UBR2: variants seen among roughly 807,000 people sequenced by gnomAD.
UBR2 encodes E3 ubiquitin-protein ligase UBR2.
In UBR2, 92 loss-of-function variants were observed where a neutral mutation model predicts 247.9. The observed-to-expected ratio is 0.37, with a 90% CI of 0.31 to 0.44. The LOEUF (loss-of-function observed/expected upper bound fraction) is 0.44, where lower values mean the gene tolerates loss of function less well. Ranked by LOEUF, UBR2 falls within the 20% of genes least tolerant of loss-of-function variation. The pLI is 1.00. For missense variants in UBR2, 1,613 were observed against 2,112.6 expected, an observed-to-expected ratio of 0.76 and a Z score of 4.64; for synonymous variants, 672 against 693.5, an observed-to-expected ratio of 0.97 and a Z score of 0.49.
Position 42,641,541 on chromosome 6 carries a change from GT to G in UBR2, c.1921-33del, listed in dbSNP as rs548669639. ...TTTTTAGAACTGATTTTATGTGTGTGTTTTTTTTGTTTTCTGTTTTTTTATT... is the reference window on the plus strand; with the variant it reads ...TTTTTAGAACTGATTTTATGTGTGTGTTTTTTTGTTTTCTGTTTTTTTATT... On this transcript the variant is annotated intron_variant, in intron 16 of 46. Coordinates refer to ENST00000372901, the MANE Select transcript of UBR2 (RefSeq NM_001363705.2). 89 of 1,482,592 alleles carry G rather than the reference GT, an allele frequency of 6.0e-5. 1 individual carries two copies. The highest frequency in any genetic ancestry group is 4.5e-4 in the South Asian group (36 of 80,206). The allele number at this position is 1,482,592 out of a possible 1,614,324, so 91.8% of individuals were successfully genotyped here.
At chr6:42,651,171 A>T (rs1797087178) in intron 23 of UBR2, among the ~76,000 whole-genome samples, 1 of 151,842 alleles carries the variant, frequency 6.6e-6, no homozygotes, top group Admixed American at 6.6e-5. Context: ...GCAGTGAGCT[A>T]TGATTGCACC....
rs1238674658 is a variant in UBR2, at chr6:42,641,598, C to T, written c.1937C>T (p.Pro646Leu). ...TATATATAGAGTGAACTTAGCCCAC[C>T]CATGTTGATAGAACACCCTCTTAGA... ...ELLPLSELSPPMLIEHPLRCL... is the reference protein window; with the variant it reads ...ELLPLSELSPLMLIEHPLRCL... The change falls in exon 17 of 47, where the codon CCC becomes CTC. Residue 646 changes from proline to leucine, a missense_variant. By Grantham distance (98) the Pro-to-Leu change is moderately conservative (BLOSUM62 -3). Transcript: ENST00000372901. 6.3e-7 allele frequency: 1 copy of T among 1,590,924 alleles called. No individual in the cohort carries two copies. The highest frequency in any genetic ancestry group is 8.5e-7 in the Non-Finnish European group (1 of 1,172,806).
chr6:42,629,581 C>T (rs932577080), intron 11 of UBR2, among the ~76,000 whole-genome samples: 4 of 152,094 alleles, frequency 2.6e-5, no homozygotes, highest in Non-Finnish European at 5.9e-5. Flanking sequence ...TACTTGAACC[C>T]TGGAGGAGGA....
chr6:42,691,581 T>G lies in UBR2; in HGVS notation c.*408T>G, dbSNP rs1298887905. 2 of 256,676 alleles carry G rather than the reference T, an allele frequency of 7.8e-6. No individual in the cohort carries two copies. Among genetic ancestry groups the G allele is most frequent in the Non-Finnish European group, 1.5e-5 (2 of 132,478 alleles). The allele number at this position is 256,676 out of a possible 1,614,324, so 15.9% of individuals were successfully genotyped here. ...GTTGGGTCATACTTCCTGGTTCCAC[T>G]GAGTGGCCCAACACTGGGACTGGGT... On this transcript the variant is annotated 3_prime_UTR_variant, in exon 47 of 47. Coordinates refer to ENST00000372901, the MANE Select transcript of UBR2 (RefSeq NM_001363705.2).
intron 3 of UBR2, 35 bp downstream of exon 3, chr6:42,592,264 T>G: frequency 7.2e-7 from 1 of 1,379,634 alleles, no homozygotes; most frequent in East Asian, 2.6e-5. Flanking sequence ...ATGCGCAGTA[T>G]TGCATTTTAT....
intron 11 of UBR2, among the ~76,000 whole-genome samples, chr6:42,624,766 CAA>C (rs1299915242): frequency 6.6e-6 from 1 of 152,080 alleles, no homozygotes; most frequent in African/African-American, 2.4e-5. Flanking sequence ...ACAAGTAATG[CAA>C]AGTCTGAAAA....
chr6:42,648,012 G>A (rs187176165), intron 21 of UBR2, 106 bp from the exon 22 acceptor site: 7 of 752,738 alleles, frequency 9.3e-6, no homozygotes, highest in Middle Eastern at 2.4e-4. Context: ...TGGAGATAAG[G>A]TGTATCTACC....
At chr6:42,621,031 C>G (rs1794966279) in intron 11 of UBR2, among the ~76,000 whole-genome samples, 1 of 152,162 alleles carries the variant, frequency 6.6e-6, no homozygotes, top group Admixed American at 6.6e-5. Flanking sequence ...CTATGTTGGA[C>G]AGACTGGTCT....
intron 11 of UBR2, among the ~76,000 whole-genome samples, chr6:42,620,950 G>A (rs1582561003): frequency 6.6e-6 from 1 of 151,978 alleles, no homozygotes. Context: ...GGCTACAGGC[G>A]TGTGTGACCA....
At position 42,693,188 on chromosome 6, in the gene UBR2, A is replaced by T. The variant is rs998430979; in HGVS notation, c.*2015A>T. On this transcript the variant is annotated 3_prime_UTR_variant, in exon 47 of 47. Transcript: ENST00000372901. The stretch of plus-strand genomic sequence containing the variant: ...TTAGCAAAGGTTGTCTCTGGATTTC[A>T]TTCTCTGAGAATATCACAGAGCCTG... 1 of 152,208 alleles carries T rather than the reference A, an allele frequency of 6.6e-6. No individual in the cohort carries two copies. Among genetic ancestry groups the T allele is most frequent in the African/African-American group, 2.4e-5 (1 of 41,462 alleles). 9.4% of individuals were successfully genotyped at this position (152,208 alleles called of 1,614,324 possible). A position where few individuals can be genotyped will look rare whatever the true frequency, so the allele number is the denominator to read the frequency against.
chr6:42,594,295 G>A lies in UBR2; in HGVS notation c.522G>A (p.Glu174=). The stretch of plus-strand genomic sequence containing the variant: ...ATGAACTTAACACCTCTGAAATTGA[G>A]GAAGAAGAGGTAAAAACATTTTCAC... The part of the protein sequence containing the change: ...QKHELNTSEI[E]EEEDPLVHLS... Residue 174 remains glutamate, a synonymous_variant, in exon 4 of 47, where the codon GAG becomes GAA. Transcript: ENST00000372901. 1.2e-6 allele frequency: 2 copies of A among 1,603,712 alleles called. No individual in the cohort carries two copies. Among genetic ancestry groups the A allele is most frequent in the South Asian group, 1.1e-5 (1 of 89,376 alleles).
chr6:42,672,195 G>A (rs1400424035), intron 36 of UBR2, among the ~76,000 whole-genome samples: 1 of 152,106 alleles, frequency 6.6e-6, no homozygotes. Context: ...ACCGTGCCCA[G>A]CTAATTTTTG....
intron 8 of UBR2, among the ~76,000 whole-genome samples, chr6:42,613,861 A>AC (rs1794244995): frequency 1.3e-5 from 2 of 151,626 alleles, no homozygotes; most frequent in Non-Finnish European, 2.9e-5. Context: ...CTTGAAAAAG[A>AC]TGAAAACAGT....
chr6:42,688,627 C>G (rs1452277588), intron 45 of UBR2, among the ~76,000 whole-genome samples: 1 of 152,224 alleles, frequency 6.6e-6, no homozygotes, highest in African/African-American at 2.4e-5. Context: ...CAGTTCTGTT[C>G]TACTTTCTCC....
At chr6:42,612,069 T>C (rs1794126926) in intron 7 of UBR2, 102 bp from the exon 8 acceptor site, 27 of 1,105,796 alleles carry the variant, frequency 2.4e-5, no homozygotes, top group Non-Finnish European at 3.2e-5. Flanking sequence ...AAGTCTCCTA[T>C]GATGATGATA....
At chr6:42,675,977 A>G (rs1798697916) in intron 38 of UBR2, 79 bp from the exon 39 acceptor site, 2 of 1,498,582 alleles carry the variant, frequency 1.3e-6, no homozygotes, top group South Asian at 1.4e-5. Flanking sequence ...TCAAAATAAA[A>G]GTAAAAGTAA....
At chr6:42,622,130 C>T (rs1795027150) in intron 11 of UBR2, among the ~76,000 whole-genome samples, 3 of 152,104 alleles carry the variant, frequency 2.0e-5, no homozygotes, top group South Asian at 4.1e-4. Context: ...ATTCTCCTGT[C>T]TTAGCCTCCC....
chr6:42,681,162 C>CAAA (rs59312824), intron 42 of UBR2, among the ~76,000 whole-genome samples: 2 of 50,560 alleles, frequency 4.0e-5, no homozygotes, highest in African/African-American at 6.0e-5. Flanking sequence ...GACTCCGTCT[C>CAAA]AAAAAAAAAA....
rs1192246865 is a variant in UBR2 at position 42,689,150 on chromosome 6, G to T, written c.5025-419G>T. ...ACTGGAGTGTTGTGCACAGGTGAGA[G>T]AATCCAGGGGCCTGCTGTGTGCTGG... is the stretch of plus-strand genomic sequence containing the variant. On this transcript the variant is annotated intron_variant, in intron 45 of 46. Transcript: ENST00000372901. This position sits in a 1 kb window ranked among gnomAD's most constrained non-coding sequence, Gnocchi z 4.0. 2.0e-5 allele frequency among the ~76,000 whole-genome samples: 3 copies of T among 152,194 alleles called. No homozygotes were observed. Among genetic ancestry groups the T allele is most frequent in the African/African-American group, 7.2e-5 (3 of 41,446 alleles).
Sources: gnomAD v4.1 joint callset for allele counts (sites outside exome capture counted in the v4.1 genomes callset) on GRCh38, gnomAD v4.1.1 for gene constraint, Gnocchi (gnomAD v3.1) non-coding constraint, MANE v1.5 for transcripts, NCBI Gene and HGNC (gene_info 2026-07-23, HGNC 2026-07-21) for gene names.